COP1: variants seen among roughly 807,000 people sequenced by gnomAD.
The protein encoded by COP1 is COP1 E3 ubiquitin ligase, also known as E3 ubiquitin-protein ligase COP1.
Under a neutral mutation model 101.3 loss-of-function variants are expected in COP1, and 24 were observed. The ratio of observed to expected loss-of-function variants is 0.24; its 90% confidence interval spans 0.17 to 0.33. COP1 has a LOEUF of 0.33. Ranked by LOEUF, COP1 falls within the 10% of genes least tolerant of loss-of-function variation. COP1 has a pLI of 1.00. For missense variants in COP1, 663 were observed against 906.2 expected, an observed-to-expected ratio of 0.73 and a Z score of 3.45; for synonymous variants, 347 against 341.9, an observed-to-expected ratio of 1.01 and a Z score of -0.17.
chr1:176,179,493 GC>G (rs1697445045), intron 2 of COP1, among the ~76,000 whole-genome samples: 1 of 152,094 alleles, frequency 6.6e-6, no homozygotes, highest in South Asian at 2.1e-4. Flanking sequence ...TCAGCAATTT[GC>G]GAGGGCGAGG....
intron 9 of COP1, among the ~76,000 whole-genome samples, chr1:176,102,949 TC>T (rs1034561025): frequency 6.6e-6 from 1 of 152,114 alleles, no homozygotes; most frequent in African/African-American, 2.4e-5. Flanking sequence ...TCACTGGACT[TC>T]CCCCACCCAC....
chr1:176,113,944 G>GTT (rs1415283240), intron 9 of COP1, among the ~76,000 whole-genome samples: 1 of 40,676 alleles, frequency 2.5e-5, no homozygotes, highest in Non-Finnish European at 7.0e-5. Context: ...GTCAGGGTAG[G>GTT]GTTTTTTTTT....
chr1:176,067,881 G>C (rs575742587), intron 11 of COP1, among the ~76,000 whole-genome samples: 1 of 152,286 alleles, frequency 6.6e-6, no homozygotes, highest in South Asian at 2.1e-4. Flanking sequence ...TGGGGTCAGA[G>C]CCCACGCTCC....
At chr1:176,080,186 T>TA (rs1248307665) in intron 11 of COP1, among the ~76,000 whole-genome samples, 2 of 152,070 alleles carry the variant, frequency 1.3e-5, no homozygotes, top group South Asian at 2.1e-4. Flanking sequence ...ACAAACTTCC[T>TA]AAAAAATAAA....
At chr1:176,140,960 GAGTA>G (rs1203685243) in intron 6 of COP1, among the ~76,000 whole-genome samples, 1 of 152,128 alleles carries the variant, frequency 6.6e-6, no homozygotes, top group Non-Finnish European at 1.5e-5. Context: ...TAAAGGTAAA[GAGTA>G]AGTAAGTCTC....
At chr1:176,113,334 G>C (rs1685610987) in intron 9 of COP1, among the ~76,000 whole-genome samples, 1 of 152,100 alleles carries the variant, frequency 6.6e-6, no homozygotes, top group Admixed American at 6.5e-5. Context: ...TTGACCACTT[G>C]TATATCTTCT....
chr1:176,118,973 C>A (rs1686656821), intron 8 of COP1, among the ~76,000 whole-genome samples: 1 of 152,092 alleles, frequency 6.6e-6, no homozygotes, highest in Non-Finnish European at 1.5e-5. Context: ...AAAAATGCAG[C>A]ACACAAAAAA....
chr1:176,153,220 G>A (rs554502039), intron 5 of COP1, among the ~76,000 whole-genome samples: 1 of 152,082 alleles, frequency 6.6e-6, no homozygotes, highest in South Asian at 2.1e-4. Flanking sequence ...AAAGCAGGTA[G>A]GCTTGTCACT....
chr1:176,148,921 T>C, intron 6 of COP1, 85 bp downstream of exon 6: 2 of 868,822 alleles, frequency 2.3e-6, no homozygotes, highest in Non-Finnish European at 1.7e-6. Flanking sequence ...TTTAAAGAAA[T>C]TTTTTAGCCT....
intron 11 of COP1, among the ~76,000 whole-genome samples, chr1:176,071,358 C>G (rs771956118): frequency 6.6e-6 from 1 of 152,060 alleles, no homozygotes; most frequent in African/African-American, 2.4e-5. Context: ...CCTGCAGAAC[C>G]GTAAACCAAT....
intron 5 of COP1, among the ~76,000 whole-genome samples, chr1:176,160,450 C>T (rs1038782908): frequency 1.3e-5 from 2 of 151,722 alleles, no homozygotes; most frequent in African/African-American, 4.8e-5. Context: ...AGCTTCTACA[C>T]AGCAAAAGAA....
chr1:175,966,810 A>C (rs1652113626), intron 18 of COP1, among the ~76,000 whole-genome samples: 1 of 152,226 alleles, frequency 6.6e-6, no homozygotes, highest in African/African-American at 2.4e-5. Context: ...TATTATTTCA[A>C]GTAATATCAA....
At chr1:176,082,499 T>A (rs1159981070) in intron 10 of COP1, among the ~76,000 whole-genome samples, 1 of 152,096 alleles carries the variant, frequency 6.6e-6, no homozygotes, top group East Asian at 1.9e-4. Flanking sequence ...ATGTAACAAT[T>A]ATTATAAGAA....
intron 15 of COP1, among the ~76,000 whole-genome samples, chr1:175,993,892 A>G (rs1204831741): frequency 6.6e-6 from 1 of 152,188 alleles, no homozygotes; most frequent in Non-Finnish European, 1.5e-5. Context: ...AAATATAGAG[A>G]ACGCCACAAA....
intron 8 of COP1, among the ~76,000 whole-genome samples, chr1:176,132,258 T>C (rs1689004741): frequency 6.6e-6 from 1 of 151,770 alleles, no homozygotes; most frequent in Non-Finnish European, 1.5e-5. Context: ...TCCCATAACT[T>C]TCCATCATAA....
intron 3 of COP1, among the ~76,000 whole-genome samples, chr1:176,173,070 C>T (rs1011925798): frequency 3.9e-5 from 6 of 151,958 alleles, no homozygotes; most frequent in African/African-American, 1.2e-4. Flanking sequence ...CCCAGTACTT[C>T]GGGAGGCCGA....
chr1:176,196,887 A>G (rs1699754855), intron 1 of COP1, among the ~76,000 whole-genome samples: 1 of 151,920 alleles, frequency 6.6e-6, no homozygotes, highest in South Asian at 2.1e-4. Flanking sequence ...TACGCAAAAA[A>G]AAAAAAGAGA....
At chr1:176,016,195 G>A (rs989015407) in intron 15 of COP1, among the ~76,000 whole-genome samples, 16 of 152,084 alleles carry the variant, frequency 1.1e-4, no homozygotes, top group Admixed American at 1.0e-3. Context: ...TCAGGAGTCT[G>A]CTATTTAAAC....
intron 7 of COP1, 87 bp downstream of exon 7, chr1:176,136,401 A>C: frequency 2.4e-6 from 2 of 845,246 alleles, no homozygotes; most frequent in South Asian, 1.6e-5. Context: ...CCAATCCCAT[A>C]AACTTAACAC....
Sources: gnomAD v4.1 joint callset for allele counts (sites outside exome capture counted in the v4.1 genomes callset) on GRCh38, gnomAD v4.1.1 for gene constraint, MANE v1.5 for transcripts, NCBI Gene and HGNC (gene_info 2026-07-23, HGNC 2026-07-21) for gene names.